Variants in NALCN observed in about 807,000 individuals in gnomAD.
NALCN encodes the protein sodium leak channel, non-selective.
A neutral mutation model predicts 225.3 loss-of-function variants in NALCN; 111 were observed. The ratio of observed to expected loss-of-function variants is 0.49; its 90% CI spans 0.42 to 0.58. The LOEUF is 0.58. Among genes scored for constraint, NALCN ranks in the 20% least tolerant of loss-of-function variants. NALCN has a pLI of 0.00. For missense variants in NALCN, 1,378 were observed against 2,202.4 expected (o/e 0.63, Z 7.49); for synonymous variants, 764 against 769.0 (o/e 0.99, Z 0.11).
At chr13:101,188,680 GTA>G (rs71912796) in intron 14 of NALCN, among the ~76,000 whole-genome samples, 53,710 of 148,266 alleles carry the variant, frequency 0.36, 10,366 homozygotes, top group African/African-American at 0.43. Context: ...CTGTGTGTGT[GTA>G]TATATATATA....
At chr13:101,313,282 C>T (rs2139156128) in intron 7 of NALCN, among the ~76,000 whole-genome samples, 1 of 152,220 alleles carries the variant, frequency 6.6e-6, no homozygotes, top group Non-Finnish European at 1.5e-5. Context: ...GCAAAGACTT[C>T]ATGTCTAAAA....
chr13:101,123,300 A>G (rs962785485), intron 18 of NALCN, among the ~76,000 whole-genome samples: 3 of 152,146 alleles, frequency 2.0e-5, no homozygotes, highest in African/African-American at 7.2e-5. Context: ...GAGAATTATG[A>G]TGTCCTTGTA....
At chr13:101,185,796 C>A (rs2139982038) in intron 14 of NALCN, among the ~76,000 whole-genome samples, 1 of 152,318 alleles carries the variant, frequency 6.6e-6, no homozygotes, top group Admixed American at 6.5e-5. Context: ...ACATGCCTGT[C>A]CCTGGGAAGA....
chr13:101,307,587 T>C (rs940188644), intron 7 of NALCN, among the ~76,000 whole-genome samples: 1 of 152,188 alleles, frequency 6.6e-6, no homozygotes, highest in African/African-American at 2.4e-5. Flanking sequence ...TTTTCTTGGC[T>C]TGGTTTTGAG....
chr13:101,377,307 T>C (rs12427747), intron 4 of NALCN, among the ~76,000 whole-genome samples: 6 of 152,054 alleles, frequency 3.9e-5, no homozygotes, highest in African/African-American at 9.7e-5. Context: ...GTTAAGACAG[T>C]TTTTAGTTAC....
chr13:101,346,952 C>T (rs1283150214), intron 6 of NALCN, among the ~76,000 whole-genome samples: 3 of 152,114 alleles, frequency 2.0e-5, no homozygotes, highest in African/African-American at 7.2e-5. Flanking sequence ...CCTAAGACAG[C>T]CTCAGTCACG....
intron 12 of NALCN, among the ~76,000 whole-genome samples, chr13:101,230,846 G>C (rs1215014156): frequency 6.6e-6 from 1 of 152,134 alleles, no homozygotes; most frequent in Non-Finnish European, 1.5e-5. Flanking sequence ...GTATATGTGT[G>C]TGTGTATATA....
At chr13:101,237,123 A>G (rs1303529959) in intron 12 of NALCN, among the ~76,000 whole-genome samples, 1 of 151,908 alleles carries the variant, frequency 6.6e-6, no homozygotes, top group East Asian at 1.9e-4. Context: ...AAAGAATGTA[A>G]CTAATAATTA....
At chr13:101,061,684 A>G (rs1328137933) in intron 41 of NALCN, among the ~76,000 whole-genome samples, 1 of 152,172 alleles carries the variant, frequency 6.6e-6, no homozygotes, top group African/African-American at 2.4e-5. Context: ...ACACCTGGCC[A>G]ATAAACTGCT....
At position 101,213,516 on chromosome 13, in the gene NALCN, C is replaced by A. The variant is rs374481432; in HGVS notation, c.1626+15877G>T. 9.2e-5 allele frequency among the ~76,000 whole-genome samples: 14 copies of A among 152,214 alleles called. No homozygotes were observed. The East Asian group carries it at 2.1e-3, about 23-fold the overall frequency. ...ACCATCAGAGTGAACAGGCAACCTA[C>A]AGAATGAGAGAAAATTTTTACAATC... is the stretch of plus-strand genomic sequence containing the variant. On this transcript the variant is annotated intron_variant, in intron 13 of 43. Coordinates refer to ENST00000251127, the MANE Select transcript of NALCN (RefSeq NM_052867.4).
intron 13 of NALCN, among the ~76,000 whole-genome samples, chr13:101,208,010 A>G (rs2040383055): frequency 1.3e-5 from 2 of 151,516 alleles, no homozygotes; most frequent in South Asian, 4.2e-4. Context: ...GAGCTGTAAC[A>G]CTCACCACGA....
intron 15 of NALCN, among the ~76,000 whole-genome samples, chr13:101,148,614 C>T (rs2037475428): frequency 6.6e-6 from 1 of 152,178 alleles, no homozygotes; most frequent in Non-Finnish European, 1.5e-5. Context: ...TCTCTTTTCC[C>T]TGAGACTGTA....
chr13:101,289,817 C>T (rs1351769393), intron 9 of NALCN, among the ~76,000 whole-genome samples: 3 of 152,210 alleles, frequency 2.0e-5, no homozygotes, highest in Non-Finnish European at 2.9e-5. Context: ...TCCCTGTTCA[C>T]GGAATTTGGT....
At chr13:101,075,380 G>C (rs1474278543) in intron 35 of NALCN, among the ~76,000 whole-genome samples, 6 of 149,426 alleles carry the variant, frequency 4.0e-5, no homozygotes, top group African/African-American at 1.5e-4. Flanking sequence ...ACTTGAACCT[G>C]GGAGGTGGAG....
In NALCN at chr13:101,172,661, G is replaced by A. The variant is rs575932177; in HGVS notation, c.1839+3639C>T. ...TGCAAGCTCCGCCTCCCGGGTTTAC[G>A]CCATTCTCCTGCCTCAGCCTCCCAA... On this transcript the variant is annotated intron_variant, in intron 15 of 43. Transcript: ENST00000251127. Among the ~76,000 whole-genome samples the A allele has an allele frequency of 2.0e-3, 312 of 152,280 alleles. 5 individuals are homozygous for A. Among genetic ancestry groups the A allele is most frequent in the South Asian group, 0.019 (94 of 4,826 alleles).
intron 7 of NALCN, among the ~76,000 whole-genome samples, chr13:101,322,530 T>G (rs2044780756): frequency 1.3e-5 from 2 of 152,200 alleles, no homozygotes; most frequent in Admixed American, 6.5e-5. Flanking sequence ...AATCATCTGG[T>G]TAACGTTTGA....
intron 40 of NALCN, among the ~76,000 whole-genome samples, chr13:101,064,391 G>T (rs921091281): frequency 6.6e-6 from 1 of 152,118 alleles, no homozygotes; most frequent in African/African-American, 2.4e-5. Context: ...CCCAAAAAAA[G>T]ATATGTTGGA....
rs754280471 is a variant in NALCN at position 101,276,582 on chromosome 13, ATGGT to A, written c.1134+7347_1134+7350del. On this transcript the variant is annotated intron_variant, in intron 10 of 43. Coordinates refer to ENST00000251127, the MANE Select transcript of NALCN (RefSeq NM_052867.4). ...GAATCGTTTCCTTGCATGCCTGCAT[ATGGT>A]TCCTATTCTAATTATAATTATAGCT... Among the ~76,000 whole-genome samples, 5 of 152,340 alleles carry A rather than the reference ATGGT, an allele frequency of 3.3e-5. No homozygotes were observed. The South Asian group carries it at 6.2e-4, about 19-fold the overall frequency.
At chr13:101,114,026 A>C (rs1261325733) in intron 18 of NALCN, among the ~76,000 whole-genome samples, 3 of 152,148 alleles carry the variant, frequency 2.0e-5, no homozygotes, top group Admixed American at 6.5e-5. Context: ...GTGTGACCCC[A>C]TCCCTAACTT....
Sources: allele counts gnomAD v4.1 joint callset (sites outside exome capture counted in the v4.1 genomes callset), GRCh38; gene constraint gnomAD v4.1.1; transcripts MANE v1.5; gene names NCBI Gene and HGNC (gene_info 2026-07-23, HGNC 2026-07-21).